The following AGBL4 variants were observed in gnomAD, a reference collection of about 807,000 sequenced individuals.
AGBL4 encodes AGBL carboxypeptidase 4, also known as cytosolic carboxypeptidase 6.
In AGBL4, 58 loss-of-function variants were observed where a neutral mutation model predicts 66.4. The observed-to-expected ratio is 0.87, with a 90% CI of 0.71 to 1.09. The LOEUF is 1.09. AGBL4 is among the 50% of genes least tolerant of loss of function. The pLI is 0.00. For synonymous variants in AGBL4, 234 were observed against 222.9 expected (o/e 1.05, Z -0.44); for missense variants, 579 against 631.0 (o/e 0.92, Z 0.88).
chr1:49,128,500 G>T (rs555769189), intron 4 of AGBL4, among the ~76,000 whole-genome samples: 1 of 152,102 alleles, frequency 6.6e-6, no homozygotes, highest in African/African-American at 2.4e-5. Flanking sequence ...TTGGTCTAAG[G>T]ATTGGCATAT....
chr1:48,905,391 T>A (rs1332280270), intron 5 of AGBL4, among the ~76,000 whole-genome samples: 6 of 152,114 alleles, frequency 3.9e-5, no homozygotes, highest in African/African-American at 1.2e-4. Context: ...CAAAACATAG[T>A]CAAAAAAGTA....
chr1:48,795,150 C>G (rs1645641119), intron 6 of AGBL4, among the ~76,000 whole-genome samples: 1 of 152,044 alleles, frequency 6.6e-6, no homozygotes, highest in South Asian at 2.1e-4. Flanking sequence ...TAAATCTTAC[C>G]CCTTCCCAAT....
rs35497867 is a variant in AGBL4, at chr1:49,386,265, A to ATGTGTG, written c.283-140407_283-140402dup. Among the ~76,000 whole-genome samples the ATGTGTG allele has an allele frequency of 3.0e-4, 45 of 148,606 alleles. No homozygotes were observed. The East Asian group carries it at 7.4e-3, about 24-fold the overall frequency. ...ATATATTTTTTGGATGGATGGATGG[A>ATGTGTG]TGTGTGTGTGTGTGTGTGTGTGTGT... On this transcript the variant is annotated intron_variant, in intron 3 of 13. Coordinates refer to ENST00000371839, the MANE Select transcript of AGBL4 (RefSeq NM_032785.4).
chr1:49,342,130 T>C (rs1360989381), intron 3 of AGBL4, among the ~76,000 whole-genome samples: 2 of 152,156 alleles, frequency 1.3e-5, no homozygotes, highest in Non-Finnish European at 2.9e-5. Context: ...CCCAAGAAGA[T>C]CATTCTCTTT....
intron 4 of AGBL4, among the ~76,000 whole-genome samples, chr1:49,052,746 TC>T (rs1644242660): frequency 6.6e-6 from 1 of 152,168 alleles, no homozygotes; most frequent in Admixed American, 6.6e-5. Flanking sequence ...TAGACTGGGA[TC>T]CCCTTGTCAC....
At chr1:48,931,556 G>A (rs1319130148) in intron 5 of AGBL4, among the ~76,000 whole-genome samples, 1 of 150,672 alleles carries the variant, frequency 6.6e-6, no homozygotes, top group Non-Finnish European at 1.5e-5. Context: ...GTTTTGTTCT[G>A]TCACCCAGGC....
intron 6 of AGBL4, among the ~76,000 whole-genome samples, chr1:48,774,757 T>C (rs1644994470): frequency 2.0e-5 from 3 of 152,206 alleles, no homozygotes. Flanking sequence ...GCCATCTGCC[T>C]AAGTGGCCTC....
chr1:48,913,423 G>A (rs925581138), intron 5 of AGBL4, among the ~76,000 whole-genome samples: 1 of 152,164 alleles, frequency 6.6e-6, no homozygotes, highest in Non-Finnish European at 1.5e-5. Context: ...GCGGGCTAGA[G>A]AGCAAAGCTT....
chr1:48,797,664 C>A (rs774051195), intron 6 of AGBL4, among the ~76,000 whole-genome samples: 1 of 151,990 alleles, frequency 6.6e-6, no homozygotes, highest in South Asian at 2.1e-4. Context: ...GTGGCACAAT[C>A]TCGGCTCACT....
At chr1:49,013,094 C>T (rs1330689405) in intron 5 of AGBL4, among the ~76,000 whole-genome samples, 1 of 152,100 alleles carries the variant, frequency 6.6e-6, no homozygotes, top group East Asian at 1.9e-4. Flanking sequence ...TTCCCAGCCT[C>T]CAAAACTGTA....
At chr1:49,170,147 ATATAAATTTATATTCATATAAATATAT>A (rs1646707983) in intron 4 of AGBL4, among the ~76,000 whole-genome samples, 31 of 148,914 alleles carry the variant, frequency 2.1e-4, no homozygotes, top group Admixed American at 1.3e-3. Flanking sequence ...TAAAAAGTAT[ATATAAATTTATATTCATATAAATATAT>A]TATAAATTTA....
At chr1:48,699,358 C>A (rs760752002) in intron 6 of AGBL4, among the ~76,000 whole-genome samples, 72 of 152,200 alleles carry the variant, frequency 4.7e-4, no homozygotes, top group Non-Finnish European at 7.3e-4. Context: ...ACATAGTAGG[C>A]ACTCAATTAA....
intron 3 of AGBL4, among the ~76,000 whole-genome samples, chr1:49,441,478 T>C (rs1358757666): frequency 6.6e-6 from 1 of 152,168 alleles, no homozygotes; most frequent in African/African-American, 2.4e-5. Flanking sequence ...CTTGGTTTAG[T>C]GTAGAGGAAA....
At chr1:48,996,654 G>C (rs1661015359) in intron 5 of AGBL4, among the ~76,000 whole-genome samples, 1 of 152,088 alleles carries the variant, frequency 6.6e-6, no homozygotes, top group Non-Finnish European at 1.5e-5. Flanking sequence ...TGTTTCAGAA[G>C]AATGTTGTGA....
intron 2 of AGBL4, among the ~76,000 whole-genome samples, chr1:49,779,624 T>A (rs1030482930): frequency 1.3e-5 from 2 of 152,098 alleles, no homozygotes; most frequent in Non-Finnish European, 2.9e-5. Context: ...AATTCACACA[T>A]ACACACGAGT....
chr1:49,745,386 T>A (rs572360649), intron 2 of AGBL4, among the ~76,000 whole-genome samples: 25 of 152,162 alleles, frequency 1.6e-4, no homozygotes, highest in Admixed American at 1.4e-3. Context: ...ATTACAATTA[T>A]TCTATTTTAT....
At chr1:49,297,746 T>A (rs1360594495) in intron 3 of AGBL4, among the ~76,000 whole-genome samples, 2 of 152,176 alleles carry the variant, frequency 1.3e-5, no homozygotes, top group Non-Finnish European at 2.9e-5. Flanking sequence ...GTCTAGAGTT[T>A]CCTAATCTGG....
chr1:49,572,997 A>G (rs1468806057), intron 3 of AGBL4, among the ~76,000 whole-genome samples: 2 of 152,296 alleles, frequency 1.3e-5, no homozygotes, highest in East Asian at 3.9e-4. Flanking sequence ...GCCCTTGAAC[A>G]TCAGACTCCA....
intron 8 of AGBL4, among the ~76,000 whole-genome samples, chr1:48,647,344 T>C (rs1486617099): frequency 6.6e-6 from 1 of 152,226 alleles, no homozygotes; most frequent in East Asian, 1.9e-4. Flanking sequence ...GCGTATTTTA[T>C]GATGACTAAT....
Sources: allele counts gnomAD v4.1 joint callset (sites outside exome capture counted in the v4.1 genomes callset), GRCh38; gene constraint gnomAD v4.1.1; transcripts MANE v1.5; gene names NCBI Gene and HGNC (gene_info 2026-07-23, HGNC 2026-07-21).